Variants in PCDH11X observed in about 807,000 individuals in gnomAD.
PCDH11X encodes protocadherin-11 X-linked.
In PCDH11X, 18 loss-of-function variants were observed where a neutral mutation model predicts 53.3. The observed-to-expected ratio is 0.34, with a 90% confidence interval of 0.23 to 0.50. PCDH11X has a LOEUF of 0.50. Ranked by LOEUF, PCDH11X falls within the 20% of genes least tolerant of loss-of-function variation. The pLI is 0.98. For synonymous variants in PCDH11X, 279 were observed against 393.3 expected (o/e 0.71, Z 3.44); for missense variants, 570 against 1,032.4 (o/e 0.55, Z 6.14).
intron 6 of PCDH11X, among the ~76,000 whole-genome samples, chrX:92,054,833 A>T (rs1255315028): frequency 9.3e-6 from 1 of 107,177 alleles, no homozygotes; most frequent in Non-Finnish European, 1.9e-5. Context: ...AAAAAAAAAA[A>T]AAAAAAAAAA....
chrX:92,503,930 T>C (rs1223245819), intron 10 of PCDH11X, among the ~76,000 whole-genome samples: 2 of 103,057 alleles, frequency 1.9e-5, no homozygotes, highest in Non-Finnish European at 4.0e-5. Flanking sequence ...GGGAGAGTTC[T>C]GGGCACCCAG....
chrX:91,908,112 C>T (rs1373542607), intron 6 of PCDH11X, among the ~76,000 whole-genome samples: 3 of 111,247 alleles, frequency 2.7e-5, no homozygotes, highest in African/African-American at 9.8e-5. Context: ...TAGGCATGGG[C>T]AAAGATTTCA....
intron 6 of PCDH11X, among the ~76,000 whole-genome samples, chrX:92,192,563 G>T (rs1281827612): frequency 9.1e-6 from 1 of 110,232 alleles, no homozygotes; most frequent in Non-Finnish European, 1.9e-5. Context: ...TGGCTAGGAT[G>T]GTCTTGATCT....
chrX:92,114,057 G>A (rs2064581082), intron 6 of PCDH11X: 2 of 1,183,892 alleles, frequency 1.7e-6, no homozygotes, highest in East Asian at 3.0e-5. Context: ...TGGTGCCCCT[G>A]ATACAGGCAT....
chrX:92,326,635 T>G lies in PCDH11X; in HGVS notation c.3145-61100T>G, dbSNP rs868416729. Among the ~76,000 whole-genome samples, 85 of 51,822 alleles carry G rather than the reference T, an allele frequency of 1.6e-3. 9 individuals carry two copies. In the East Asian group the frequency reaches 0.02, roughly 12 times the overall value. 45.0% of individuals were successfully genotyped at this position (51,822 alleles called of 115,157 possible). ...ATTTTTAATAAACTATATATATATA[T>G]ATATAGAGAGAGAGAGAGAGAGAGA... On this transcript the variant is annotated intron_variant, in intron 8 of 10. Coordinates refer to ENST00000682573, the MANE Select transcript of PCDH11X (RefSeq NM_032968.5).
chrX:92,462,149 G>T (rs1430629001), intron 9 of PCDH11X, among the ~76,000 whole-genome samples: 3 of 111,768 alleles, frequency 2.7e-5, no homozygotes, highest in Non-Finnish European at 5.7e-5. Flanking sequence ...AGATATGATT[G>T]AGTTTTATCC....
chrX:92,219,815 A>G (rs1458646451), intron 7 of PCDH11X, among the ~76,000 whole-genome samples: 41 of 74,280 alleles, frequency 5.5e-4, no homozygotes, highest in Middle Eastern at 7.0e-3. Context: ...AGACTACAGT[A>G]ACCAAAACAG....
intron 6 of PCDH11X, among the ~76,000 whole-genome samples, chrX:92,173,609 A>G (rs1178691914): frequency 1.8e-5 from 2 of 110,799 alleles, no homozygotes; most frequent in African/African-American, 6.6e-5. Flanking sequence ...TTCCTACTCA[A>G]TGAGCATATA....
At chrX:91,998,679 G>C (rs2062459350) in intron 6 of PCDH11X, among the ~76,000 whole-genome samples, 1 of 110,303 alleles carries the variant, frequency 9.1e-6, no homozygotes, top group Non-Finnish European at 1.9e-5. Context: ...ATTCTACCAT[G>C]TTGAACATTA....
chrX:91,852,008 C>CTTTTTTTTTTTTTTTTTTTTTT (rs59675485), intron 5 of PCDH11X, among the ~76,000 whole-genome samples: 1 of 94,475 alleles, frequency 1.1e-5, no homozygotes, highest in Non-Finnish European at 2.1e-5. Flanking sequence ...ATTAGGAATT[C>CTTTTTTTTTTTTTTTTTTTTTT]TTTTTTTTTT....
intron 8 of PCDH11X, among the ~76,000 whole-genome samples, chrX:92,373,627 G>T (rs1190650760): frequency 1.8e-5 from 2 of 111,715 alleles, no homozygotes; most frequent in Non-Finnish European, 3.8e-5. Context: ...ACTCTTAAAA[G>T]GATGCTTCTG....
rs746270082 is a variant in PCDH11X, at chrX:92,470,899, C to T, written c.3367+2577C>T. Among the ~76,000 whole-genome samples, 5 of 109,690 alleles carry T rather than the reference C, an allele frequency of 4.6e-5. No homozygotes were observed. The East Asian group carries it at 1.4e-3, about 32-fold the overall frequency. On this transcript the variant is annotated intron_variant, in intron 10 of 10. Coordinates refer to ENST00000682573, the MANE Select transcript of PCDH11X (RefSeq NM_032968.5). ...CATCAATATTCATCAGTGATATTGG[C>T]CTGTTTTCTTTTTCTGATATGTTGT... is the stretch of plus-strand genomic sequence containing the variant.
At chrX:92,144,103 C>G (rs1459871274) in intron 6 of PCDH11X, among the ~76,000 whole-genome samples, 1 of 111,488 alleles carries the variant, frequency 9.0e-6, no homozygotes, top group Non-Finnish European at 1.9e-5. Flanking sequence ...ATACCTGAAC[C>G]CCCATTGTAT....
chrX:92,459,738 C>T (rs2072990945), intron 9 of PCDH11X: 14 of 1,105,332 alleles, frequency 1.3e-5, no homozygotes, highest in Non-Finnish European at 1.6e-5. Flanking sequence ...CGCCCAGCTA[C>T]GGCGCCCGGC....
chrX:92,219,668 G>A (rs1312880700), intron 7 of PCDH11X, among the ~76,000 whole-genome samples: 1 of 51,653 alleles, frequency 1.9e-5, no homozygotes, highest in Non-Finnish European at 4.0e-5. Context: ...AGCTACCAAT[G>A]CCTTTCTTCA....
chrX:92,285,385 C>T (rs748831683), intron 8 of PCDH11X, among the ~76,000 whole-genome samples: 60 of 108,142 alleles, frequency 5.5e-4, no homozygotes, highest in African/African-American at 1.8e-3. Context: ...TCCTGAGTAG[C>T]TGGGATTAGA....
At chrX:92,043,056 GA>G (rs890135603) in intron 6 of PCDH11X, among the ~76,000 whole-genome samples, 8 of 109,012 alleles carry the variant, frequency 7.3e-5, no homozygotes, top group African/African-American at 1.7e-4. Flanking sequence ...GTTATTGAAG[GA>G]AAAAAACCTA....
At chrX:91,981,513 G>GA (rs1172359933) in intron 6 of PCDH11X, among the ~76,000 whole-genome samples, 2 of 110,924 alleles carry the variant, frequency 1.8e-5, no homozygotes, top group African/African-American at 3.3e-5. Flanking sequence ...TGATTCATTA[G>GA]AAAAAAAATG....
chrX:92,028,006 A>G (rs2062993420), intron 6 of PCDH11X, among the ~76,000 whole-genome samples: 1 of 108,226 alleles, frequency 9.2e-6, no homozygotes, highest in African/African-American at 3.4e-5. Context: ...TTTTAATTAA[A>G]TTTTTTAATG....
Sources: gnomAD v4.1 joint callset for allele counts (sites outside exome capture counted in the v4.1 genomes callset) on GRCh38, gnomAD v4.1.1 for gene constraint, MANE v1.5 for transcripts, NCBI Gene and HGNC (gene_info 2026-07-23, HGNC 2026-07-21) for gene names.